RICTOR: variants seen among roughly 807,000 people sequenced by gnomAD.
RICTOR encodes the protein RPTOR independent companion of MTOR complex 2, also known as rapamycin-insensitive companion of mTOR.
Under a neutral mutation model 214.9 loss-of-function variants are expected in RICTOR, and 49 were observed. That is an observed-to-expected ratio of 0.23 (90% CI 0.18 to 0.29). The LOEUF (loss-of-function observed/expected upper bound fraction) is 0.29, where lower values mean the gene tolerates loss of function less well. Among genes scored for constraint, RICTOR ranks in the 10% least tolerant of loss-of-function variants. The probability of loss-of-function intolerance (pLI) is 1.00; values close to 1 mark genes in which losing one functional copy is unlikely to be tolerated. For missense variants in RICTOR, 1,625 were observed against 2,047.0 expected (o/e 0.79, Z 3.98); for synonymous variants, 717 against 711.3 (o/e 1.01, Z -0.13).
At chr5:39,045,313 G>A (rs1757415065) in intron 2 of RICTOR, among the ~76,000 whole-genome samples, 1 of 151,942 alleles carries the variant, frequency 6.6e-6, no homozygotes, top group Non-Finnish European at 1.5e-5. Flanking sequence ...AGAAAAGCAG[G>A]AAAACTCTGA....
chr5:39,047,036 T>A (rs1757545046), intron 2 of RICTOR, among the ~76,000 whole-genome samples: 1 of 152,186 alleles, frequency 6.6e-6, no homozygotes, highest in African/African-American at 2.4e-5. Context: ...AAATTTAGCA[T>A]GTCCTGTAAT....
intron 35 of RICTOR, 27 bp downstream of exon 35, chr5:38,944,886 T>A: frequency 6.2e-7 from 1 of 1,603,096 alleles, no homozygotes; most frequent in Non-Finnish European, 8.5e-7. Flanking sequence ...TTACTAATAA[T>A]GATTGGATTT....
At chr5:39,028,994 A>G (rs1756070668) in intron 2 of RICTOR, among the ~76,000 whole-genome samples, 1 of 152,224 alleles carries the variant, frequency 6.6e-6, no homozygotes, top group Non-Finnish European at 1.5e-5. Flanking sequence ...GCCAGACACA[A>G]GAGTATATAT....
At chr5:38,968,057 T>C (rs748305017) in intron 11 of RICTOR, 27 bp from the exon 12 acceptor site, 3 of 1,246,032 alleles carry the variant, frequency 2.4e-6, no homozygotes, top group East Asian at 2.3e-5. Context: ...ATACACCTCA[T>C]TTATTTTTAT....
intron 2 of RICTOR, among the ~76,000 whole-genome samples, chr5:39,029,068 G>C (rs1479882668): frequency 6.6e-6 from 1 of 152,098 alleles, no homozygotes; most frequent in Non-Finnish European, 1.5e-5. Flanking sequence ...ATAGAAATCA[G>C]ATAGTGATTG....
chr5:39,049,276 T>C (rs1757693210), intron 2 of RICTOR, among the ~76,000 whole-genome samples: 3 of 151,230 alleles, frequency 2.0e-5, no homozygotes, highest in South Asian at 4.2e-4. Context: ...AAATAAGCCA[T>C]TATAAACAGA....
chr5:38,990,725 A>C (rs368551156), intron 7 of RICTOR, among the ~76,000 whole-genome samples: 8 of 123,152 alleles, frequency 6.5e-5, no homozygotes, highest in South Asian at 2.5e-4. Context: ...TATGATATAT[A>C]TCATATATAT....
chr5:38,989,857 T>C (rs2592305), intron 7 of RICTOR, among the ~76,000 whole-genome samples: 145,436 of 152,286 alleles, frequency 0.96, 69,576 homozygotes, highest in East Asian at 0.99. Context: ...CCAACAAATG[T>C]TAGAGAGGAT....
intron 9 of RICTOR, among the ~76,000 whole-genome samples, chr5:38,976,972 C>G (rs1274840786): frequency 6.6e-6 from 1 of 152,186 alleles, no homozygotes; most frequent in African/African-American, 2.4e-5. Context: ...GTTATATTGT[C>G]TAGCAGAGCA....
chr5:38,944,788 C>T, intron 35 of RICTOR, 125 bp downstream of exon 35: 2 of 991,906 alleles, frequency 2.0e-6, no homozygotes, highest in African/African-American at 1.6e-5. Flanking sequence ...TAAATTGCTT[C>T]ACTAAAATGG....
At position 38,959,947 on chromosome 5, in the gene RICTOR, T is replaced by C; in HGVS notation, c.1883A>G (p.Lys628Arg). ...AGCATTGAGCCACTGAACAATATCC[T>C]TTACTAGATCTTCTAAGTAGCCTTG... ...DGQGYLEDLV[K>R]DIVQWLNASS... is the part of the protein sequence containing the mutation. The change falls in exon 21 of 38, where the codon AAG (lysine) becomes AGG (arginine). Residue 628 changes from lysine (K) to arginine (R), a missense_variant. Lys to Arg is a conservative substitution (Grantham distance 26, BLOSUM62 2). This residue lies in a region of RICTOR where 1,214 missense variants were observed against 1,470.5 expected (regional missense o/e 0.83). Coordinates refer to ENST00000357387, the MANE Select transcript of RICTOR (RefSeq NM_152756.5). 1.2e-6 allele frequency: 2 copies of C among 1,612,224 alleles called. No individual in the cohort carries two copies. Among genetic ancestry groups the C allele is most frequent in the Non-Finnish European group, 1.7e-6 (2 of 1,178,486 alleles).
intron 15 of RICTOR, 148 bp downstream of exon 15, chr5:38,966,493 A>C: frequency 4.9e-6 from 3 of 609,062 alleles, no homozygotes; most frequent in Non-Finnish European, 8.7e-6. Flanking sequence ...ATACAGTACC[A>C]AGGGCTTTTT....
chr5:39,046,585 T>G (rs1218798668), intron 2 of RICTOR, among the ~76,000 whole-genome samples: 1 of 152,102 alleles, frequency 6.6e-6, no homozygotes, highest in East Asian at 1.9e-4. Context: ...TTCAAAGTTT[T>G]TCTCTCAGCT....
intron 9 of RICTOR, among the ~76,000 whole-genome samples, chr5:38,976,543 C>T (rs558502968): frequency 1.1e-4 from 16 of 150,346 alleles, no homozygotes; most frequent in Admixed American, 2.0e-4. Flanking sequence ...AAAATGGGGG[C>T]GGGGGTGGCT....
rs200524193 is a variant in RICTOR, at chr5:38,941,325, G to GT, written c.*978dup. ...TTTCTCAATAACAAGCTTTATTAAT[G>GT]TTTTTTTTAAGGAAATATGGCTCTT... is the stretch of plus-strand genomic sequence containing the variant. On this transcript the variant is annotated 3_prime_UTR_variant, in exon 38 of 38. Coordinates refer to ENST00000357387, the MANE Select transcript of RICTOR (RefSeq NM_152756.5). 589 of 87,878 alleles carry GT rather than the reference G, an allele frequency of 6.7e-3. 6 individuals carry two copies. Among genetic ancestry groups the GT allele is most frequent in the African/African-American group, 0.023 (532 of 23,158 alleles). The allele number at this position is 87,878 out of a possible 1,614,324, so 5.4% of individuals were successfully genotyped here.
At chr5:39,040,733 T>C (rs1024164803) in intron 2 of RICTOR, among the ~76,000 whole-genome samples, 2 of 152,102 alleles carry the variant, frequency 1.3e-5, no homozygotes, top group African/African-American at 4.8e-5. Flanking sequence ...TAAAAGACAG[T>C]TATGATCTGA....
At chr5:38,968,942 A>G (rs1750470923) in intron 11 of RICTOR, among the ~76,000 whole-genome samples, 1 of 145,148 alleles carries the variant, frequency 6.9e-6, no homozygotes, top group African/African-American at 2.5e-5. Flanking sequence ...GGCCTAGGCT[A>G]GTGTGTGTTT....
intron 10 of RICTOR, among the ~76,000 whole-genome samples, chr5:38,972,214 C>G (rs1750845568): frequency 6.6e-6 from 1 of 152,188 alleles, no homozygotes. Context: ...CCAGAAAGTT[C>G]ATGAGTCTGA....
intron 5 of RICTOR, among the ~76,000 whole-genome samples, chr5:39,002,194 C>T (rs1000496040): frequency 2.2e-5 from 3 of 138,684 alleles, no homozygotes; most frequent in Admixed American, 2.1e-4. Context: ...AAAAAATCAA[C>T]ATGTATGAAT....
Sources: allele counts gnomAD v4.1 joint callset (sites outside exome capture counted in the v4.1 genomes callset), GRCh38; gene constraint gnomAD v4.1.1; regional missense constraint gnomAD v4.1.1; transcripts MANE v1.5; gene names NCBI Gene and HGNC (gene_info 2026-07-23, HGNC 2026-07-21).